Variants in ZCCHC14 observed in about 807,000 individuals in gnomAD.
ZCCHC14 encodes the protein zinc finger CCHC domain-containing protein 14.
A neutral mutation model predicts 85.0 loss-of-function variants in ZCCHC14; 16 were observed. The observed-to-expected ratio is 0.19, with a 90% CI of 0.13 to 0.29. ZCCHC14 has a LOEUF of 0.29. Ranked by LOEUF, ZCCHC14 falls within the 10% of genes least tolerant of loss-of-function variation. The pLI, the probability that ZCCHC14 is intolerant of heterozygous loss-of-function variation, is 1.00. For missense variants in ZCCHC14, 1,303 were observed against 1,443.5 expected, an observed-to-expected ratio of 0.90 and a Z score of 1.58; for synonymous variants, 775 against 630.7, an observed-to-expected ratio of 1.23 and a Z score of -3.43.
chr16:87,444,771 G>A (rs568303703), intron 2 of ZCCHC14, among the ~76,000 whole-genome samples: 6 of 152,274 alleles, frequency 3.9e-5, no homozygotes, highest in Non-Finnish European at 8.8e-5. Context: ...AGCAGCTACT[G>A]AAGGATACAA....
intron 1 of ZCCHC14, among the ~76,000 whole-genome samples, chr16:87,474,957 G>A (rs1245710043): frequency 6.6e-6 from 1 of 152,208 alleles, no homozygotes. Flanking sequence ...CTGACTGCCT[G>A]CTAAAACAAA....
intron 3 of ZCCHC14, among the ~76,000 whole-genome samples, chr16:87,432,081 A>G (rs1909691224): frequency 6.6e-6 from 1 of 152,226 alleles, no homozygotes; most frequent in Non-Finnish European, 1.5e-5. Flanking sequence ...ATTTTTGTGT[A>G]GCTACACTCT....
At chr16:87,462,782 G>C (rs192446824) in intron 1 of ZCCHC14, among the ~76,000 whole-genome samples, 1 of 146,622 alleles carries the variant, frequency 6.8e-6, no homozygotes, top group Non-Finnish European at 1.5e-5. Context: ...AAACAAACAC[G>C]GCCGAGGCCA....
At chr16:87,427,939 A>ATTTTTTTT (rs34933427) in intron 3 of ZCCHC14, among the ~76,000 whole-genome samples, 1 of 137,136 alleles carries the variant, frequency 7.3e-6, no homozygotes, top group Non-Finnish European at 1.6e-5. Context: ...GGCCTCTATG[A>ATTTTTTTT]TTTTTTTTTT....
rs1250849432 is a variant in ZCCHC14, at chr16:87,408,561, C to T, written c.*1719G>A. On this transcript the variant is annotated 3_prime_UTR_variant, in exon 13 of 13. Coordinates refer to ENST00000671377, the MANE Select transcript of ZCCHC14 (RefSeq NM_015144.3). Reference sequence around the variant, plus strand: ...AAATAGCTGTTGTAATAAGCATCACCATTACTTCAACACTGTAATACTGTG... The same window carrying T: ...AAATAGCTGTTGTAATAAGCATCACTATTACTTCAACACTGTAATACTGTG... The T allele has an allele frequency of 6.6e-6, 1 of 152,554 alleles. No homozygotes were observed. Among genetic ancestry groups the T allele is most frequent in the African/African-American group, 2.4e-5 (1 of 41,426 alleles). The allele number at this position is 152,554 out of a possible 1,614,324, so 9.5% of individuals were successfully genotyped here. A position where few individuals can be genotyped will look rare whatever the true frequency, so the allele number is the denominator to read the frequency against.
intron 8 of ZCCHC14, 151 bp from the exon 9 acceptor site, chr16:87,415,518 T>C (rs1161035842): frequency 7.5e-6 from 5 of 671,066 alleles, no homozygotes; most frequent in Non-Finnish European, 1.2e-5. Flanking sequence ...TGGGAAATCC[T>C]AGACCCTTTA....
intron 1 of ZCCHC14, among the ~76,000 whole-genome samples, chr16:87,478,003 T>G (rs1912100307): frequency 6.6e-6 from 1 of 151,788 alleles, no homozygotes; most frequent in Admixed American, 6.6e-5. Context: ...CTAGAACCAC[T>G]GATACGCCCC....
At chr16:87,479,209 G>T (rs2150774249) in intron 1 of ZCCHC14, among the ~76,000 whole-genome samples, 1 of 151,914 alleles carries the variant, frequency 6.6e-6, no homozygotes, top group East Asian at 2.0e-4. Context: ...CTGAGGTCAG[G>T]AGTTCAAGAC....
chr16:87,492,758 G>C lies in ZCCHC14; in HGVS notation c.-520C>G, dbSNP rs1171459789. 6.8e-6 allele frequency: 1 copy of C among 146,660 alleles called. No individual in the cohort carries two copies. Among genetic ancestry groups the C allele is most frequent in the African/African-American group, 2.4e-5 (1 of 40,860 alleles). 9.1% of individuals were successfully genotyped at this position (146,660 alleles called of 1,614,324 possible). On this transcript the variant is annotated 5_prime_UTR_variant, in exon 1 of 13. Transcript: ENST00000671377. This position sits in a 1 kb window ranked among gnomAD's most constrained non-coding sequence, Gnocchi z 6.7. The stretch of plus-strand genomic sequence containing the variant: ...GGCCGGCCGTTACCCCGGGCCGCGG[G>C]CGCGGCGTCGCCGCCTGGGGAGCGC...
chr16:87,479,381 C>T (rs1324726833), intron 1 of ZCCHC14, among the ~76,000 whole-genome samples: 1 of 148,942 alleles, frequency 6.7e-6, no homozygotes, highest in Non-Finnish European at 1.5e-5. Context: ...CGCACCATTG[C>T]ACTCCAGCCT....
At chr16:87,427,000 G>A (rs908122357) in intron 3 of ZCCHC14, among the ~76,000 whole-genome samples, 2 of 152,240 alleles carry the variant, frequency 1.3e-5, no homozygotes, top group East Asian at 1.9e-4. Flanking sequence ...AAAACCCGAC[G>A]GGACGCGGGC....
chr16:87,418,369 G>A (rs1908905905), intron 7 of ZCCHC14, among the ~76,000 whole-genome samples: 2 of 152,158 alleles, frequency 1.3e-5, no homozygotes, highest in South Asian at 2.1e-4. Flanking sequence ...GCCAGTCTAC[G>A]CCTCGAAACC....
At position 87,415,223 on chromosome 16, in the gene ZCCHC14, G is replaced by C. The variant is rs1322335522; in HGVS notation, c.1475+53C>G. 8.4e-6 allele frequency: 13 copies of C among 1,556,752 alleles called. No homozygotes were observed. In the East Asian group the frequency reaches 2.9e-4, roughly 35 times the overall value. ...CACTGGAAGCCTCAGCACTCCATTC[G>C]GCACACGAGAAATGGAAATAAACAC... On this transcript the variant is annotated intron_variant, in intron 9 of 12. Coordinates refer to ENST00000671377, the MANE Select transcript of ZCCHC14 (RefSeq NM_015144.3).
rs1307790025 is a variant in ZCCHC14, at chr16:87,420,347, A to G, written c.950+260T>C. ...AGGATGGAAACAGCAGCCCAGGATT[A>G]TTTCACAGGACTGCCAAAGCCCAAG... On this transcript the variant is annotated intron_variant, in intron 5 of 12. Coordinates refer to ENST00000671377, the MANE Select transcript of ZCCHC14 (RefSeq NM_015144.3). The surrounding 1 kb of genome is among the most constrained non-coding windows in gnomAD (Gnocchi z 5.0). Among the ~76,000 whole-genome samples, 2 of 152,218 alleles carry G rather than the reference A, an allele frequency of 1.3e-5. No individual in the cohort carries two copies. Among genetic ancestry groups the G allele is most frequent in the East Asian group, 1.9e-4 (1 of 5,196 alleles).
At chr16:87,427,160 T>G (rs1909414251) in intron 3 of ZCCHC14, among the ~76,000 whole-genome samples, 2 of 152,226 alleles carry the variant, frequency 1.3e-5, no homozygotes, top group African/African-American at 4.8e-5. Flanking sequence ...ACACCCAGAA[T>G]CTCCACTCAG....
Position 87,448,111 on chromosome 16 carries a change from T to C in ZCCHC14, c.694+11897A>G, listed in dbSNP as rs7205242. 5.5e-3 allele frequency among the ~76,000 whole-genome samples: 842 copies of C among 152,334 alleles called. 8 individuals are homozygous for C. The highest frequency in any genetic ancestry group is 0.02 in the African/African-American group (815 of 41,576). ...ATACCATTCTTCCATAGGAAGATAATCTTCACAATCATTAACGTCTTCCAT... is the reference window on the plus strand; with the variant it reads ...ATACCATTCTTCCATAGGAAGATAACCTTCACAATCATTAACGTCTTCCAT... On this transcript the variant is annotated intron_variant, in intron 2 of 12. Transcript: ENST00000671377.
In ZCCHC14 at chr16:87,468,850, G is replaced by C. The variant is rs73242713; in HGVS notation, c.571-8719C>G. Among the ~76,000 whole-genome samples the C allele has an allele frequency of 5.7e-3, 868 of 152,320 alleles. 5 individuals are homozygous for C. Among genetic ancestry groups the C allele is most frequent in the African/African-American group, 0.02 (820 of 41,588 alleles). On this transcript the variant is annotated intron_variant, in intron 1 of 12. Transcript: ENST00000671377. ...AAGTACCTGCCCGCAGGCCTCAGGA[G>C]TGCCAAGGCTGAGAGGCCCTCCCTG...
rs964159597 is a variant in ZCCHC14, at chr16:87,458,619, G to A, written c.694+1389C>T. On this transcript the variant is annotated intron_variant, in intron 2 of 12. Transcript: ENST00000671377. ...TCTAAATCAGAGACAGGTGGCTCTC[G>A]ATGGCGTTGTCAGAACGGGACTTTA... Among the ~76,000 whole-genome samples, 10 of 152,310 alleles carry A rather than the reference G, an allele frequency of 6.6e-5. No individual in the cohort carries two copies. In the East Asian group the frequency reaches 1.7e-3, roughly 26 times the overall value.
chr16:87,455,662 A>G (rs954249948), intron 2 of ZCCHC14, among the ~76,000 whole-genome samples: 1 of 152,230 alleles, frequency 6.6e-6, no homozygotes, highest in South Asian at 2.1e-4. Flanking sequence ...GGAATGCTAC[A>G]GGCAACCAGC....
Sources: gnomAD v4.1 joint callset for allele counts (sites outside exome capture counted in the v4.1 genomes callset) on GRCh38, gnomAD v4.1.1 for gene constraint, Gnocchi (gnomAD v3.1) non-coding constraint, MANE v1.5 for transcripts, NCBI Gene and HGNC (gene_info 2026-07-23, HGNC 2026-07-21) for gene names.